The following MYO9A variants were observed in gnomAD, a reference collection of about 807,000 sequenced individuals.
MYO9A encodes myosin IXA.
In MYO9A, 103 loss-of-function variants were observed where a neutral mutation model predicts 293.3. The ratio of observed to expected loss-of-function variants is 0.35; its 90% CI spans 0.30 to 0.41. The LOEUF (loss-of-function observed/expected upper bound fraction) is 0.41, where lower values mean the gene tolerates loss of function less well. Among genes scored for constraint, MYO9A ranks in the 10% least tolerant of loss-of-function variants. The pLI, the probability that MYO9A is intolerant of heterozygous loss-of-function variation, is 1.00. For missense variants in MYO9A, 2,685 were observed against 3,033.0 expected, an observed-to-expected ratio of 0.89 and a Z score of 2.69; for synonymous variants, 1,001 against 1,035.7, an observed-to-expected ratio of 0.97 and a Z score of 0.64.
chr15:72,100,802 G>A (rs1215869427), intron 1 of MYO9A, among the ~76,000 whole-genome samples: 13 of 145,748 alleles, frequency 8.9e-5, no homozygotes, highest in East Asian at 4.3e-4. Flanking sequence ...CTCTCCGCCC[G>A]GCAGCCACCC....
chr15:71,994,969 T>C (rs2076656167), intron 9 of MYO9A, among the ~76,000 whole-genome samples: 1 of 152,158 alleles, frequency 6.6e-6, no homozygotes, highest in South Asian at 2.1e-4. Flanking sequence ...TGACCTCAGG[T>C]GATTCACCCG....
chr15:71,948,648 C>T (rs535423725), intron 15 of MYO9A, among the ~76,000 whole-genome samples: 1 of 152,178 alleles, frequency 6.6e-6, no homozygotes, highest in East Asian at 1.9e-4. Flanking sequence ...AATTTGCCAA[C>T]CCCTACTATA....
At chr15:71,969,459 T>C (rs184735117) in intron 12 of MYO9A, among the ~76,000 whole-genome samples, 1 of 152,362 alleles carries the variant, frequency 6.6e-6, no homozygotes, top group East Asian at 1.9e-4. Context: ...GCTTTAATCA[T>C]GTGCCCCCTC....
chr15:72,117,725 G>C lies in MYO9A; in HGVS notation c.-117C>G. 1 of 397,314 alleles carries C rather than the reference G, an allele frequency of 2.5e-6. No individual in the cohort carries two copies. Among genetic ancestry groups the C allele is most frequent in the East Asian group, 3.6e-5 (1 of 28,002 alleles). The allele number at this position is 397,314 out of a possible 1,614,324, so 24.6% of individuals were successfully genotyped here. On this transcript the variant is annotated 5_prime_UTR_variant, in exon 1 of 42. Transcript: ENST00000356056. ...CCACCGCAGCCCCCTCCTCTTCGAC[G>C]GAAGCTGCCTTCCACCCTCCGCCCC...
At chr15:71,832,544 T>C (rs1399992638) in intron 39 of MYO9A, among the ~76,000 whole-genome samples, 1 of 152,024 alleles carries the variant, frequency 6.6e-6, no homozygotes, top group Non-Finnish European at 1.5e-5. Flanking sequence ...CAGAAAACAA[T>C]GGAATATTTT....
intron 18 of MYO9A, among the ~76,000 whole-genome samples, chr15:71,925,008 T>C (rs1237473897): frequency 3.9e-5 from 6 of 152,062 alleles, no homozygotes; most frequent in African/African-American, 1.4e-4. Context: ...GGTTCATATA[T>C]CTTGAGTGCA....
chr15:72,015,068 C>T (rs571663222), intron 6 of MYO9A, among the ~76,000 whole-genome samples: 6 of 147,936 alleles, frequency 4.1e-5, no homozygotes, highest in African/African-American at 1.2e-4. Context: ...AGGCTGGTCT[C>T]GAACTCCTGA....
chr15:72,082,990 T>C (rs2079599133), intron 1 of MYO9A, among the ~76,000 whole-genome samples: 1 of 151,652 alleles, frequency 6.6e-6, no homozygotes, highest in Non-Finnish European at 1.5e-5. Flanking sequence ...ATTTTTTTTG[T>C]TGTGTCTCTG....
At chr15:72,109,172 T>C (rs2080684677) in intron 1 of MYO9A, among the ~76,000 whole-genome samples, 2 of 151,744 alleles carry the variant, frequency 1.3e-5, no homozygotes, top group Admixed American at 6.6e-5. Flanking sequence ...AGGCAGATCA[T>C]GAGGTCAGGA....
At chr15:71,935,235 A>C in intron 17 of MYO9A, 106 bp downstream of exon 17, 1 of 1,231,368 alleles carries the variant, frequency 8.1e-7, no homozygotes, top group Non-Finnish European at 1.1e-6. Context: ...CTTCCCATGA[A>C]AATAACATTT....
chr15:71,855,937 A>G (rs1012485753), intron 34 of MYO9A, among the ~76,000 whole-genome samples: 3 of 152,128 alleles, frequency 2.0e-5, no homozygotes. Context: ...TCTAATTTCT[A>G]CTTTCCAGCC....
At chr15:71,933,748 T>G (rs775183640) in intron 17 of MYO9A, 39 bp from the exon 18 acceptor site, 1 of 1,535,944 alleles carries the variant, frequency 6.5e-7, no homozygotes, top group Non-Finnish European at 8.9e-7. Flanking sequence ...AGCTACTGTA[T>G]AAAAACAAAA....
At chr15:72,022,788 G>A (rs2149247142) in intron 4 of MYO9A, among the ~76,000 whole-genome samples, 1 of 152,040 alleles carries the variant, frequency 6.6e-6, no homozygotes, top group African/African-American at 2.4e-5. Flanking sequence ...GGGCTCAGGT[G>A]ATCTACCCAT....
chr15:72,049,558 G>A (rs2078491804), intron 1 of MYO9A, among the ~76,000 whole-genome samples: 1 of 152,192 alleles, frequency 6.6e-6, no homozygotes, highest in African/African-American at 2.4e-5. Flanking sequence ...CCAGTCCATG[G>A]CCTGTCAGAA....
intron 11 of MYO9A, among the ~76,000 whole-genome samples, chr15:71,981,429 T>C (rs1162519526): frequency 6.6e-6 from 1 of 152,226 alleles, no homozygotes; most frequent in Non-Finnish European, 1.5e-5. Flanking sequence ...CAGGGAAAGG[T>C]TTTAAATTAC....
chr15:72,062,482 ATAAACT>A (rs771626106), intron 1 of MYO9A, among the ~76,000 whole-genome samples: 59 of 152,240 alleles, frequency 3.9e-4, no homozygotes, highest in African/African-American at 1.4e-3. Context: ...ATCCTATCAG[ATAAACT>A]TAACAAAGAC....
chr15:72,074,820 C>T (rs979977293), intron 1 of MYO9A, among the ~76,000 whole-genome samples: 30 of 152,260 alleles, frequency 2.0e-4, no homozygotes, highest in Middle Eastern at 3.4e-3. Context: ...AAAATAACTA[C>T]AGTTGCAGCT....
chr15:72,096,443 A>C (rs2080067097), intron 1 of MYO9A, among the ~76,000 whole-genome samples: 1 of 152,204 alleles, frequency 6.6e-6, no homozygotes, highest in Admixed American at 6.5e-5. Flanking sequence ...GGTTTACTGA[A>C]TGTTTTAAGC....
chr15:72,103,361 AAGCAGCAGCAGAAGCAGAAGC>A (rs1567044270), intron 1 of MYO9A, among the ~76,000 whole-genome samples: 1 of 149,918 alleles, frequency 6.7e-6, no homozygotes, highest in African/African-American at 2.5e-5. Flanking sequence ...GCAGAGACAG[AAGCAGCAGCAGAAGCAGAAGC>A]AGCAGCAGCA....
Sources: gnomAD v4.1 joint callset for allele counts (sites outside exome capture counted in the v4.1 genomes callset) on GRCh38, gnomAD v4.1.1 for gene constraint, MANE v1.5 for transcripts, NCBI Gene and HGNC (gene_info 2026-07-23, HGNC 2026-07-21) for gene names.